Variants in DPF3 observed in about 807,000 individuals in gnomAD.
DPF3 encodes double PHD fingers 3, also known as zinc finger protein DPF3.
In DPF3, 18 loss-of-function variants were observed where a neutral mutation model predicts 56.8. The ratio of observed to expected loss-of-function variants is 0.32; its 90% CI spans 0.22 to 0.47. The LOEUF is 0.47. Ranked by LOEUF, DPF3 falls within the 20% of genes least tolerant of loss-of-function variation. The pLI, the probability that DPF3 is intolerant of heterozygous loss-of-function variation, is 1.00. For synonymous variants in DPF3, 188 were observed against 180.2 expected (o/e 1.04, Z -0.35); for missense variants, 403 against 488.8 (o/e 0.82, Z 1.65).
intron 1 of DPF3, among the ~76,000 whole-genome samples, chr14:72,866,416 G>C (rs776681803): frequency 1.3e-5 from 2 of 150,708 alleles, no homozygotes; most frequent in Non-Finnish European, 3.0e-5. Context: ...CTCTCTCCCA[G>C]TGACCTGGCT....
chr14:72,760,987 G>T (rs1202451658), intron 2 of DPF3, among the ~76,000 whole-genome samples: 1 of 151,760 alleles, frequency 6.6e-6, no homozygotes, highest in Admixed American at 6.6e-5. Context: ...GAGATTAAGA[G>T]GATTATTTTA....
At chr14:72,680,343 G>C (rs1179494881) in intron 7 of DPF3, among the ~76,000 whole-genome samples, 1 of 152,204 alleles carries the variant, frequency 6.6e-6, no homozygotes, top group African/African-American at 2.4e-5. Flanking sequence ...GGTTCTCCTT[G>C]GCCACTAATA....
chr14:72,617,429 C>T lies in DPF3; in HGVS notation c.*1868G>A, dbSNP rs1454629556. Among the ~76,000 whole-genome samples, 1 of 152,180 alleles carries T rather than the reference C, an allele frequency of 6.6e-6. No individual in the cohort carries two copies. The highest frequency in any genetic ancestry group is 1.5e-5 in the Non-Finnish European group (1 of 68,022). ...CCCCTCTGATGGAATGTCACCCTCC[C>T]TATCCCTCCCTGGGCCTTCAGGATT... On this transcript the variant is annotated 3_prime_UTR_variant, in exon 11 of 11. Coordinates refer to ENST00000556509, the MANE Select transcript of DPF3 (RefSeq NM_001280542.3).
chr14:72,893,869 T>G (rs1207701841), intron 1 of DPF3, among the ~76,000 whole-genome samples, 188 bp downstream of exon 1: 1 of 152,222 alleles, frequency 6.6e-6, no homozygotes, highest in Non-Finnish European at 1.5e-5. Context: ...TAATTGCATC[T>G]CCTGACATTT....
intron 8 of DPF3, among the ~76,000 whole-genome samples, chr14:72,643,332 G>T (rs1328704446): frequency 6.6e-6 from 1 of 152,154 alleles, no homozygotes; most frequent in Non-Finnish European, 1.5e-5. Flanking sequence ...GTCCCCTCAG[G>T]CCCCTTTAAG....
chr14:72,670,526 G>A (rs28667150), intron 8 of DPF3: 374,780 of 983,514 alleles, frequency 0.38, 72,572 homozygotes, highest in East Asian at 0.75. Flanking sequence ...GCGGGGAGCC[G>A]CAAACTCCGT....
At chr14:72,861,430 A>G (rs960634939) in intron 1 of DPF3, among the ~76,000 whole-genome samples, 2 of 152,046 alleles carry the variant, frequency 1.3e-5, no homozygotes, top group African/African-American at 4.8e-5. Context: ...TTCTCTCTCA[A>G]TATGTTGAGT....
intron 1 of DPF3, among the ~76,000 whole-genome samples, chr14:72,805,524 C>T (rs955273212): frequency 1.5e-4 from 23 of 151,292 alleles, no homozygotes; most frequent in African/African-American, 4.9e-4. Context: ...ATGGAACAGT[C>T]ACAGCATGCC....
At position 72,797,005 on chromosome 14, in the gene DPF3, A is replaced by G. The variant is rs117268908; in HGVS notation, c.33-25112T>C. ...ATCGCACCTGGATAGAAGACTAAGT[A>G]AAACTACCTTCCTGTGGCTAAGGGG... On this transcript the variant is annotated intron_variant, in intron 1 of 10. Coordinates refer to ENST00000556509, the MANE Select transcript of DPF3 (RefSeq NM_001280542.3). Among the ~76,000 whole-genome samples the G allele has an allele frequency of 1.9e-4, 29 of 152,340 alleles. No homozygotes were observed. In the East Asian group the frequency reaches 5.6e-3, roughly 29 times the overall value.
At chr14:72,762,722 A>G (rs1224014608) in intron 2 of DPF3, among the ~76,000 whole-genome samples, 1 of 152,010 alleles carries the variant, frequency 6.6e-6, no homozygotes, top group Non-Finnish European at 1.5e-5. Context: ...ACTTTTACCT[A>G]ATATTATGTT....
chr14:72,773,841 T>C, intron 1 of DPF3: 1 of 455,638 alleles, frequency 2.2e-6, no homozygotes, highest in Non-Finnish European at 4.4e-6. Context: ...GTCAGAATAA[T>C]ATTTTTTAAG....
At chr14:72,619,698 T>G (rs1321003905) in intron 10 of DPF3, among the ~76,000 whole-genome samples, 2 of 152,206 alleles carry the variant, frequency 1.3e-5, no homozygotes, top group Non-Finnish European at 2.9e-5. Context: ...AAGTTGAAAT[T>G]TCAGCTGCTT....
chr14:72,751,491 G>A (rs147879320), intron 3 of DPF3, among the ~76,000 whole-genome samples: 37 of 152,306 alleles, frequency 2.4e-4, no homozygotes, highest in African/African-American at 8.7e-4. Flanking sequence ...TCCAGGTGAT[G>A]CTGCCGCTGC....
intron 3 of DPF3, among the ~76,000 whole-genome samples, chr14:72,740,101 C>T (rs761917406): frequency 4.6e-5 from 7 of 152,222 alleles, no homozygotes; most frequent in Admixed American, 2.6e-4. Context: ...CAGGCAAAGA[C>T]GTTCCAGGCA....
Position 72,612,509 on chromosome 14 carries a change from T to C in DPF3, c.*6788A>G. The stretch of plus-strand genomic sequence containing the variant: ...TGCACGGGGTATATTTTCTTTTTCC[T>C]ATACGCCACTGTTGCTTCCCACTTC... On this transcript the variant is annotated 3_prime_UTR_variant, in exon 11 of 11. Coordinates refer to ENST00000556509, the MANE Select transcript of DPF3 (RefSeq NM_001280542.3). 1 of 518,830 alleles carries C rather than the reference T, an allele frequency of 1.9e-6. No homozygotes were observed. Among genetic ancestry groups the C allele is most frequent in the Non-Finnish European group, 3.8e-6 (1 of 259,818 alleles). The allele number at this position is 518,830 out of a possible 1,614,324, so 32.1% of individuals were successfully genotyped here. A position where few individuals can be genotyped will look rare whatever the true frequency, so the allele number is the denominator to read the frequency against.
At chr14:72,675,367 C>T (rs1047628658) in intron 7 of DPF3, 5 of 152,194 alleles carry the variant, frequency 3.3e-5, no homozygotes, top group African/African-American at 1.2e-4. Context: ...GTCATATTCA[C>T]ACTCCCTGTT....
intron 1 of DPF3, among the ~76,000 whole-genome samples, chr14:72,877,611 T>C (rs1886164370): frequency 1.3e-5 from 2 of 151,938 alleles, no homozygotes; most frequent in East Asian, 3.9e-4. Flanking sequence ...CTCAAAAAGG[T>C]TTCAGAATTC....
At chr14:72,688,602 T>C (rs1186604643) in intron 7 of DPF3, among the ~76,000 whole-genome samples, 2 of 152,236 alleles carry the variant, frequency 1.3e-5, no homozygotes, top group Non-Finnish European at 2.9e-5. Flanking sequence ...CTACCAAGGC[T>C]GCATTTAAGT....
At chr14:72,847,275 G>T (rs1010740755) in intron 1 of DPF3, among the ~76,000 whole-genome samples, 2 of 152,154 alleles carry the variant, frequency 1.3e-5, no homozygotes, top group Admixed American at 1.3e-4. Context: ...AATCCTATGG[G>T]GTAGGTACTG....
Sources: allele counts gnomAD v4.1 joint callset (sites outside exome capture counted in the v4.1 genomes callset), GRCh38; gene constraint gnomAD v4.1.1; transcripts MANE v1.5; gene names NCBI Gene and HGNC (gene_info 2026-07-23, HGNC 2026-07-21).